TCP11L2: variants seen among roughly 807,000 people sequenced by gnomAD.
TCP11L2 encodes T-complex protein 11-like protein 2.
TCP11L2 carries 39 observed loss-of-function variants against 50.7 expected under a neutral mutation model. That is an observed-to-expected ratio of 0.77 (90% CI 0.60 to 1.01). The LOEUF is 1.01. Among genes scored for constraint, TCP11L2 ranks in the 50% least tolerant of loss-of-function variants. TCP11L2 has a pLI of 0.00. For synonymous variants in TCP11L2, 192 were observed against 219.3 expected (o/e 0.88, Z 1.10); for missense variants, 612 against 614.7 (o/e 1.00, Z 0.05).
intron 3 of TCP11L2, among the ~76,000 whole-genome samples, chr12:106,314,759 G>A (rs2035014993): frequency 6.6e-6 from 1 of 152,000 alleles, no homozygotes; most frequent in Admixed American, 6.6e-5. Flanking sequence ...CATCACTTTG[G>A]GAGGTGGAGG....
chr12:106,319,457 C>T (rs2035254488), intron 4 of TCP11L2, among the ~76,000 whole-genome samples: 2 of 152,176 alleles, frequency 1.3e-5, no homozygotes, highest in Non-Finnish European at 2.9e-5. Context: ...GGCAGAGTTT[C>T]CCCCTGCACC....
chr12:106,300,210 G>C (rs531660341), upstream of TCP11L2, among the ~76,000 whole-genome samples: 61 of 151,428 alleles, frequency 4.0e-4, no homozygotes, highest in African/African-American at 1.4e-3. Flanking sequence ...AACATAACCT[G>C]AGCAGGGAAG....
At chr12:106,316,918 C>G (rs2035111751) in intron 3 of TCP11L2, among the ~76,000 whole-genome samples, 1 of 152,082 alleles carries the variant, frequency 6.6e-6, no homozygotes, top group South Asian at 2.1e-4. Flanking sequence ...CAGGGCATAT[C>G]TGTACTTTAA....
At chr12:106,321,937 A>G (rs1180550413) in intron 5 of TCP11L2, among the ~76,000 whole-genome samples, 1 of 152,198 alleles carries the variant, frequency 6.6e-6, no homozygotes, top group African/African-American at 2.4e-5. Context: ...TGAAGATGCA[A>G]TGATGAAAAA....
intron 6 of TCP11L2, among the ~76,000 whole-genome samples, chr12:106,330,709 G>A (rs1392327234): frequency 3.9e-5 from 6 of 152,180 alleles, no homozygotes; most frequent in Non-Finnish European, 8.8e-5. Context: ...TTTGGAATCA[G>A]TCTGATTTCA....
intron 6 of TCP11L2, chr12:106,324,561 T>C (rs964076744): frequency 1.3e-5 from 2 of 152,230 alleles, no homozygotes; most frequent in Non-Finnish European, 2.9e-5. Flanking sequence ...AATATTCTTG[T>C]TCCTGGCTAC....
intron 6 of TCP11L2, among the ~76,000 whole-genome samples, chr12:106,329,046 C>G (rs997555722): frequency 6.6e-6 from 1 of 151,238 alleles, no homozygotes; most frequent in African/African-American, 2.4e-5. Flanking sequence ...AAGCCAGCAC[C>G]AAAAGAAGGG....
At chr12:106,322,411 T>C (rs1377605085) in intron 5 of TCP11L2, among the ~76,000 whole-genome samples, 1 of 152,128 alleles carries the variant, frequency 6.6e-6, no homozygotes, top group Non-Finnish European at 1.5e-5. Flanking sequence ...AAAGGGGAGT[T>C]GAGAAAGGTA....
At position 106,324,998 on chromosome 12, in the gene TCP11L2, G is replaced by A. The variant is rs530734799; in HGVS notation, c.772+1352G>A. 5 of 152,262 alleles carry A rather than the reference G, an allele frequency of 3.3e-5. No individual in the cohort carries two copies. In the East Asian group the frequency reaches 9.7e-4, roughly 29 times the overall value. The allele number at this position is 152,262 out of a possible 1,614,324, so 9.4% of individuals were successfully genotyped here. A position where few individuals can be genotyped will look rare whatever the true frequency, so the allele number is the denominator to read the frequency against. On this transcript the variant is annotated intron_variant, in intron 6 of 9. Coordinates refer to ENST00000299045, the MANE Select transcript of TCP11L2 (RefSeq NM_152772.3). ...TAATGGAAACTGTATATGTATTTGG[G>A]AATCATCAGTATATGTATGATATAT...
chr12:106,328,671 A>G (rs1005264650), intron 6 of TCP11L2, among the ~76,000 whole-genome samples: 13 of 152,344 alleles, frequency 8.5e-5, no homozygotes, highest in African/African-American at 2.9e-4. Context: ...GTTTTGTGTT[A>G]TATTACCTGA....
intron 6 of TCP11L2, among the ~76,000 whole-genome samples, chr12:106,334,065 T>C (rs2035831553): frequency 1.3e-5 from 2 of 152,072 alleles, no homozygotes. Context: ...CTTGGAAGTA[T>C]CAACATTTAA....
intron 1 of TCP11L2, among the ~76,000 whole-genome samples, chr12:106,308,411 A>G (rs1263970885): frequency 6.6e-6 from 1 of 152,236 alleles, no homozygotes; most frequent in Non-Finnish European, 1.5e-5. Context: ...GCCTTGTTAA[A>G]CACAGTTAAG....
intron 2 of TCP11L2, among the ~76,000 whole-genome samples, 154 bp from the exon 3 acceptor site, chr12:106,314,204 T>A (rs1303832517): frequency 6.6e-6 from 1 of 152,230 alleles, no homozygotes. Context: ...CTTTATTAAC[T>A]GAGGGAATTC....
intron 4 of TCP11L2, among the ~76,000 whole-genome samples, chr12:106,319,285 C>T (rs1003643946): frequency 6.6e-6 from 1 of 152,172 alleles, no homozygotes; most frequent in Non-Finnish European, 1.5e-5. Flanking sequence ...TCCCAAAGGC[C>T]CCACCTTCTA....
rs2034576734 is a variant in TCP11L2 at position 106,305,142 on chromosome 12, T to C, written c.-36+2201T>C. 1.3e-5 allele frequency among the ~76,000 whole-genome samples: 2 copies of C among 152,186 alleles called. 1 individual carries two copies. The highest frequency in any genetic ancestry group is 4.1e-4 in the South Asian group (2 of 4,828). ...GATTTGAGTTGTGCCTCTACACTGC[T>C]GTGAACCCTTGGGCAAGTAACGCAA... is the stretch of plus-strand genomic sequence containing the variant. On this transcript the variant is annotated intron_variant, in intron 1 of 9. Transcript: ENST00000299045.
intron 6 of TCP11L2, among the ~76,000 whole-genome samples, chr12:106,326,873 A>G (rs1004349569): frequency 2.0e-5 from 3 of 152,194 alleles, no homozygotes; most frequent in African/African-American, 7.2e-5. Context: ...GTTTTGTTCT[A>G]TAACAAAAAC....
Position 106,308,041 on chromosome 12 carries a change from C to T in TCP11L2, c.-35-3000C>T, listed in dbSNP as rs146971080. Among the ~76,000 whole-genome samples the T allele has an allele frequency of 2.4e-3, 371 of 152,268 alleles. 4 individuals are homozygous for T. The highest frequency in any genetic ancestry group is 8.5e-3 in the African/African-American group (355 of 41,540). ...GTTTCTGTTTGGATACACTAAGGCC[C>T]AGTTGTAATGTGGAGGCTTCTACCC... On this transcript the variant is annotated intron_variant, in intron 1 of 9. Transcript: ENST00000299045.
intron 6 of TCP11L2, among the ~76,000 whole-genome samples, chr12:106,334,664 C>T (rs753593613): frequency 7.2e-5 from 11 of 152,098 alleles, no homozygotes; most frequent in African/African-American, 2.4e-4. Context: ...ATTATTCAGC[C>T]GGGCGCAGTG....
chr12:106,308,920 G>C (rs1422210070), intron 1 of TCP11L2, among the ~76,000 whole-genome samples: 1 of 152,198 alleles, frequency 6.6e-6, no homozygotes, highest in Non-Finnish European at 1.5e-5. Context: ...CACAAACTCT[G>C]CTTTATTAAG....
Sources: allele counts gnomAD v4.1 joint callset (sites outside exome capture counted in the v4.1 genomes callset), GRCh38; gene constraint gnomAD v4.1.1; transcripts MANE v1.5; gene names NCBI Gene and HGNC (gene_info 2026-07-23, HGNC 2026-07-21).